The following SYNPO2 variants were observed in gnomAD, a reference collection of about 807,000 sequenced individuals.
SYNPO2 encodes synaptopodin-2.
In SYNPO2, 56 loss-of-function variants were observed where a neutral mutation model predicts 85.0. The ratio of observed to expected loss-of-function variants is 0.66; its 90% confidence interval spans 0.53 to 0.82. The LOEUF (loss-of-function observed/expected upper bound fraction) is 0.82. Ranked by LOEUF, SYNPO2 falls within the 40% of genes least tolerant of loss-of-function variation. The pLI, the probability that SYNPO2 is intolerant of heterozygous loss-of-function variation, is 0.00. For missense variants in SYNPO2, 1,575 were observed against 1,534.2 expected, an observed-to-expected ratio of 1.03 and a Z score of -0.44; for synonymous variants, 602 against 591.1, an observed-to-expected ratio of 1.02 and a Z score of -0.27.
rs546750435 is a variant in SYNPO2, at chr4:118,981,896, A to G, written c.106-41534A>G. ...CCATTCAGGAGTTAATGCTTCAGCC[A>G]AACAGGTCTGGACGGAAACCCAGTT... is the stretch of plus-strand genomic sequence containing the variant. On this transcript the variant is annotated intron_variant, in intron 1 of 4. Coordinates refer to ENST00000307142, the MANE Select transcript of SYNPO2 (RefSeq NM_133477.3). Among the ~76,000 whole-genome samples the G allele has an allele frequency of 3.5e-4, 53 of 152,330 alleles. No homozygotes were observed. In the South Asian group the frequency reaches 0.01, roughly 30 times the overall value.
chr4:118,900,507 T>G (rs1318700827), intron 1 of SYNPO2, among the ~76,000 whole-genome samples: 1 of 152,066 alleles, frequency 6.6e-6, no homozygotes, highest in Non-Finnish European at 1.5e-5. Context: ...ATTTTAAAGA[T>G]TCCAGTATGG....
At position 118,888,931 on chromosome 4, in the gene SYNPO2, G is replaced by C; in HGVS notation, c.-106G>C. ...AGCGGCGGACGCTCTGCATTACCCA[G>C]TCTTGCGTCCTCGGCAGGCGCCCGA... On this transcript the variant is annotated 5_prime_UTR_variant, in exon 1 of 5. Transcript: ENST00000307142. 1.7e-6 allele frequency: 2 copies of C among 1,152,822 alleles called. No homozygotes were observed. Among genetic ancestry groups the C allele is most frequent in the Non-Finnish European group, 2.6e-6 (2 of 770,658 alleles). The allele number at this position is 1,152,822 out of a possible 1,614,324, so 71.4% of individuals were successfully genotyped here. A position where few individuals can be genotyped will look rare whatever the true frequency, so the allele number is the denominator to read the frequency against.
intron 1 of SYNPO2, among the ~76,000 whole-genome samples, chr4:118,987,497 G>A (rs977308420): frequency 1.3e-5 from 2 of 152,006 alleles, no homozygotes; most frequent in African/African-American, 4.8e-5. Context: ...CAGGCTGATC[G>A]ACAAAAAATA....
chr4:118,997,982 G>A (rs1736680993), intron 1 of SYNPO2, among the ~76,000 whole-genome samples: 1 of 152,148 alleles, frequency 6.6e-6, no homozygotes, highest in Non-Finnish European at 1.5e-5. Context: ...ACTCCTGACA[G>A]TAAAATAGCT....
intron 1 of SYNPO2, among the ~76,000 whole-genome samples, chr4:118,979,720 A>G (rs1176091757): frequency 6.6e-6 from 1 of 152,252 alleles, no homozygotes; most frequent in Non-Finnish European, 1.5e-5. Context: ...GCAGGAGGCC[A>G]TACAAATTGT....
At chr4:118,940,495 A>T (rs199694705) in intron 1 of SYNPO2, among the ~76,000 whole-genome samples, 1 of 151,444 alleles carries the variant, frequency 6.6e-6, no homozygotes, top group South Asian at 2.1e-4. Context: ...GCAAGCTTTC[A>T]TTTTTTTTTC....
intron 1 of SYNPO2, among the ~76,000 whole-genome samples, chr4:118,986,760 C>T (rs1347541925): frequency 6.6e-6 from 1 of 152,222 alleles, no homozygotes; most frequent in Non-Finnish European, 1.5e-5. Flanking sequence ...GTTCCATCCT[C>T]TATTTCAGGA....
chr4:118,971,679 G>A (rs1160663637), intron 1 of SYNPO2, among the ~76,000 whole-genome samples: 1 of 152,244 alleles, frequency 6.6e-6, no homozygotes, highest in Non-Finnish European at 1.5e-5. Context: ...GCACAAGTGA[G>A]CGCATCATCT....
At chr4:118,950,162 A>G (rs1734650215) in intron 1 of SYNPO2, among the ~76,000 whole-genome samples, 1 of 152,244 alleles carries the variant, frequency 6.6e-6, no homozygotes, top group Admixed American at 6.5e-5. Flanking sequence ...TCATTTCATT[A>G]ATTTGTAATA....
At chr4:118,892,844 A>C (rs981345477) in intron 1 of SYNPO2, among the ~76,000 whole-genome samples, 1 of 152,172 alleles carries the variant, frequency 6.6e-6, no homozygotes, top group Admixed American at 6.5e-5. Flanking sequence ...TCATTTCATA[A>C]GGCCAAAATG....
At chr4:119,035,024 T>C (rs1738446462) in intron 4 of SYNPO2, 1 of 985,364 alleles carries the variant, frequency 1.0e-6, no homozygotes, top group Non-Finnish European at 1.2e-6. Flanking sequence ...ATCCACGAAG[T>C]CGGTTTTCAT....
At chr4:119,039,556 A>G (rs1738642478) in intron 4 of SYNPO2, among the ~76,000 whole-genome samples, 1 of 152,186 alleles carries the variant, frequency 6.6e-6, no homozygotes, top group Non-Finnish European at 1.5e-5. Context: ...TGCTTATTAC[A>G]ACTCAATAAT....
chr4:118,988,579 GT>G (rs2149166754), intron 1 of SYNPO2, among the ~76,000 whole-genome samples: 1 of 152,276 alleles, frequency 6.6e-6, no homozygotes, highest in South Asian at 2.1e-4. Flanking sequence ...GCTCCAAGGA[GT>G]TTCTTTACCT....
chr4:118,955,576 C>T (rs546332305), intron 1 of SYNPO2, among the ~76,000 whole-genome samples: 11 of 152,096 alleles, frequency 7.2e-5, no homozygotes, highest in East Asian at 5.8e-4. Flanking sequence ...AGAGAAGTAG[C>T]GGATAGAAAG....
rs1156311047 is a variant in SYNPO2, at chr4:119,030,879, C to T, written c.2104C>T (p.Pro702Ser). The part of the protein sequence containing the change: ...TTKPMFTFKE[P>S]KVSPNPELLS... ...AAAACCCATGTTTACTTTTAAAGAG[C>T]CCAAAGTAAGCCCAAATCCTGAACT... is the stretch of plus-strand genomic sequence containing the variant. The change falls in exon 4 of 5, where the codon CCC (proline) becomes TCC (serine). Residue 702 changes from proline to serine, a missense_variant. By Grantham distance (74) the Pro-to-Ser change is moderately conservative. This residue lies in a region of SYNPO2 where 1,508 missense variants were observed against 1,446.8 expected (regional missense o/e 1.04). Transcript: ENST00000307142. 1 of 1,614,128 alleles carries T rather than the reference C, an allele frequency of 6.2e-7. No homozygotes were observed. The highest frequency in any genetic ancestry group is 1.1e-5 in the South Asian group (1 of 91,080).
rs1738284500 is a variant in SYNPO2 at position 119,031,837 on chromosome 4, C to T, written c.3062C>T (p.Ala1021Val). Residue 1021 changes from alanine to valine, a missense_variant, in exon 4 of 5, where the codon GCT becomes GTT. Transcript: ENST00000307142. ...GCTGCCTCACCTACGAATGTGCAGGCTTCGTCAGTGTACTCGGTACCAGCC... is the reference window on the plus strand; with the variant it reads ...GCTGCCTCACCTACGAATGTGCAGGTTTCGTCAGTGTACTCGGTACCAGCC... The part of the protein sequence containing the change: ...VNAASPTNVQ[A>V]SSVYSVPAYT... 1.2e-6 allele frequency: 2 copies of T among 1,614,220 alleles called. No homozygotes were observed. The highest frequency in any genetic ancestry group is 1.3e-5 in the African/African-American group (1 of 75,072).
intron 1 of SYNPO2, among the ~76,000 whole-genome samples, chr4:118,980,419 T>C (rs1419602077): frequency 6.6e-6 from 1 of 152,182 alleles, no homozygotes; most frequent in East Asian, 1.9e-4. Context: ...TACTGTTTGC[T>C]TGGCAAGGTC....
At chr4:119,013,830 C>A (rs954116889) in intron 1 of SYNPO2, among the ~76,000 whole-genome samples, 1 of 152,174 alleles carries the variant, frequency 6.6e-6, no homozygotes, top group African/African-American at 2.4e-5. Flanking sequence ...ATAAAAGATG[C>A]ATTCAAAATG....
chr4:118,946,541 G>A (rs1658714655), intron 1 of SYNPO2, among the ~76,000 whole-genome samples: 1 of 150,930 alleles, frequency 6.6e-6, no homozygotes, highest in South Asian at 2.1e-4. Flanking sequence ...TCAGACCATG[G>A]TCAGCCTCCG....
Sources: gnomAD v4.1 joint callset for allele counts (sites outside exome capture counted in the v4.1 genomes callset) on GRCh38, gnomAD v4.1.1 for gene constraint, gnomAD v4.1.1 regional missense constraint, MANE v1.5 for transcripts, NCBI Gene and HGNC (gene_info 2026-07-23, HGNC 2026-07-21) for gene names.